CACNA2D3: variants seen among roughly 807,000 people sequenced by gnomAD.
The protein encoded by CACNA2D3 is calcium voltage-gated channel auxiliary subunit alpha2delta 3.
In CACNA2D3, 60 loss-of-function variants were observed where a neutral mutation model predicts 160.6. That is an observed-to-expected ratio of 0.37 (90% CI 0.30 to 0.46). CACNA2D3 has a LOEUF of 0.46. Among genes scored for constraint, CACNA2D3 ranks in the 20% least tolerant of loss-of-function variants. CACNA2D3 has a pLI of 1.00. For missense variants in CACNA2D3, 1,205 were observed against 1,365.0 expected, an observed-to-expected ratio of 0.88 and a Z score of 1.85; for synonymous variants, 558 against 492.9, an observed-to-expected ratio of 1.13 and a Z score of -1.75.
chr3:54,838,136 ACT>A (rs1347704266), intron 15 of CACNA2D3, among the ~76,000 whole-genome samples: 4 of 151,930 alleles, frequency 2.6e-5, no homozygotes, highest in Non-Finnish European at 4.4e-5. Context: ...TGCTATTTAG[ACT>A]CTCTCTCCTG....
intron 14 of CACNA2D3, among the ~76,000 whole-genome samples, chr3:54,832,711 A>G (rs963224191): frequency 1.3e-5 from 2 of 152,184 alleles, no homozygotes; most frequent in Non-Finnish European, 2.9e-5. Context: ...TGCCATTCCC[A>G]GCTAGTTCTT....
At chr3:54,976,274 T>C (rs1702389525) in intron 29 of CACNA2D3, among the ~76,000 whole-genome samples, 1 of 140,802 alleles carries the variant, frequency 7.1e-6, no homozygotes, top group South Asian at 2.3e-4. Flanking sequence ...GTGTGTGACC[T>C]TGGAGAAGAC....
At chr3:54,632,825 G>T (rs933823126) in intron 10 of CACNA2D3, 3 of 152,184 alleles carry the variant, frequency 2.0e-5, no homozygotes, top group African/African-American at 7.2e-5. Context: ...AAGCAATGAG[G>T]TTATTTCCGA....
chr3:54,379,596 C>A (rs1297923169), intron 3 of CACNA2D3, among the ~76,000 whole-genome samples: 3 of 152,190 alleles, frequency 2.0e-5, no homozygotes, highest in Admixed American at 2.0e-4. Context: ...TGATGGTCAT[C>A]CAGTCATTGT....
chr3:54,359,416 C>G (rs928412549), intron 3 of CACNA2D3, among the ~76,000 whole-genome samples: 1 of 152,104 alleles, frequency 6.6e-6, no homozygotes, highest in African/African-American at 2.4e-5. Context: ...AGAATAAAGT[C>G]CCTGGCATGT....
At chr3:54,562,628 C>T (rs946240233) in intron 5 of CACNA2D3, among the ~76,000 whole-genome samples, 172 bp from the exon 6 acceptor site, 10 of 152,156 alleles carry the variant, frequency 6.6e-5, no homozygotes, top group African/African-American at 2.4e-4. Context: ...AGGGGAATCC[C>T]CAGCATCTGG....
intron 20 of CACNA2D3, among the ~76,000 whole-genome samples, chr3:54,879,821 G>C (rs145149966): frequency 6.6e-6 from 1 of 152,150 alleles, no homozygotes; most frequent in Non-Finnish European, 1.5e-5. Flanking sequence ...TACATGTTGT[G>C]CCTCTGTTTC....
intron 9 of CACNA2D3, chr3:54,626,560 G>A: frequency 6.3e-7 from 1 of 1,594,310 alleles, no homozygotes; most frequent in South Asian, 1.1e-5. Context: ...CCACTACCTG[G>A]GCGAGTTCTC....
At chr3:54,901,697 C>A (rs80074619) in intron 27 of CACNA2D3, among the ~76,000 whole-genome samples, 1 of 152,120 alleles carries the variant, frequency 6.6e-6, no homozygotes, top group Non-Finnish European at 1.5e-5. Flanking sequence ...TTTAAAGAAC[C>A]GTATTTAGTC....
chr3:54,437,203 G>T (rs561309553), intron 4 of CACNA2D3, among the ~76,000 whole-genome samples: 2 of 152,126 alleles, frequency 1.3e-5, no homozygotes, highest in Non-Finnish European at 2.9e-5. Flanking sequence ...TCTGCAATTT[G>T]CTTTTTTATT....
chr3:54,997,403 G>A (rs1466030467), intron 31 of CACNA2D3, among the ~76,000 whole-genome samples: 1 of 151,956 alleles, frequency 6.6e-6, no homozygotes, highest in African/African-American at 2.4e-5. Context: ...GTATCATCAT[G>A]TATATAAAAT....
chr3:54,678,488 C>A (rs1700281769), intron 11 of CACNA2D3, among the ~76,000 whole-genome samples: 1 of 151,716 alleles, frequency 6.6e-6, no homozygotes. Flanking sequence ...TTTGGGAGGC[C>A]AAGGAGGGCG....
At chr3:54,791,288 G>C (rs1314474311) in intron 13 of CACNA2D3, among the ~76,000 whole-genome samples, 10 of 152,200 alleles carry the variant, frequency 6.6e-5, no homozygotes, top group Admixed American at 6.5e-4. Context: ...TCAATGTTCA[G>C]TAGGAATATA....
At chr3:54,888,425 A>C (rs1023451206) in intron 24 of CACNA2D3, among the ~76,000 whole-genome samples, 6 of 152,116 alleles carry the variant, frequency 3.9e-5, no homozygotes, top group Non-Finnish European at 7.3e-5. Flanking sequence ...AGGATGGAGA[A>C]GTGAGAGCTC....
chr3:54,147,144 G>C (rs1700046956), intron 2 of CACNA2D3, among the ~76,000 whole-genome samples: 1 of 152,224 alleles, frequency 6.6e-6, no homozygotes, highest in African/African-American at 2.4e-5. Flanking sequence ...GGGGTGAGGG[G>C]ACAGCTGGGA....
intron 27 of CACNA2D3, among the ~76,000 whole-genome samples, chr3:54,958,187 T>C (rs1575406994): frequency 6.6e-6 from 1 of 152,216 alleles, no homozygotes; most frequent in Non-Finnish European, 1.5e-5. Flanking sequence ...TATTGATAAA[T>C]GCTATGAAGA....
At chr3:54,641,537 T>C (rs1292385843) in intron 10 of CACNA2D3, among the ~76,000 whole-genome samples, 2 of 152,180 alleles carry the variant, frequency 1.3e-5, no homozygotes, top group Non-Finnish European at 2.9e-5. Flanking sequence ...GGAAAAGACC[T>C]AGAAAGGGAA....
intron 2 of CACNA2D3, among the ~76,000 whole-genome samples, chr3:54,190,019 A>T (rs867447146): frequency 2.0e-5 from 3 of 152,216 alleles, no homozygotes; most frequent in African/African-American, 7.2e-5. Context: ...TATTTGTCCC[A>T]GTTCTGAAAG....
intron 5 of CACNA2D3, among the ~76,000 whole-genome samples, chr3:54,505,921 A>G (rs1239844751): frequency 1.3e-5 from 2 of 152,182 alleles, no homozygotes; most frequent in East Asian, 3.9e-4. Flanking sequence ...AGATAGTCAG[A>G]TTTTTTGAGC....
Sources: allele counts gnomAD v4.1 joint callset (sites outside exome capture counted in the v4.1 genomes callset), GRCh38; gene constraint gnomAD v4.1.1; transcripts MANE v1.5; gene names NCBI Gene and HGNC (gene_info 2026-07-23, HGNC 2026-07-21).